MYO3A: variants seen among roughly 807,000 people sequenced by gnomAD.
MYO3A encodes the protein myosin-IIIa.
In MYO3A, 180 loss-of-function variants were observed where a neutral mutation model predicts 192.7. That is an observed-to-expected ratio of 0.93 (90% CI 0.83 to 1.06). MYO3A has a LOEUF of 1.06. Among genes scored for constraint, MYO3A ranks in the 50% least tolerant of loss-of-function variants. The probability of loss-of-function intolerance (pLI) is 0.00; values close to 1 mark genes in which losing one functional copy is unlikely to be tolerated. For missense variants in MYO3A, 1,896 were observed against 1,905.0 expected (o/e 1.00, Z 0.09); for synonymous variants, 628 against 645.3 (o/e 0.97, Z 0.41).
chr10:26,088,528 A>T, intron 15 of MYO3A, 123 bp downstream of exon 15: 2 of 905,516 alleles, frequency 2.2e-6, no homozygotes, highest in South Asian at 2.9e-5. Context: ...CAAAGCACTT[A>T]CTATTGAGAA....
intron 4 of MYO3A, among the ~76,000 whole-genome samples, chr10:25,955,769 T>C (rs1837498431): frequency 6.6e-6 from 1 of 152,224 alleles, no homozygotes; most frequent in Admixed American, 6.5e-5. Flanking sequence ...GTAGATACCT[T>C]TATTTGACAG....
intron 4 of MYO3A, among the ~76,000 whole-genome samples, chr10:25,986,326 A>T (rs948060921): frequency 6.6e-6 from 1 of 152,238 alleles, no homozygotes; most frequent in African/African-American, 2.4e-5. Context: ...CACCACTTCT[A>T]TTCAACATAG....
intron 10 of MYO3A, among the ~76,000 whole-genome samples, chr10:26,044,222 C>T (rs1843514193): frequency 1.3e-5 from 2 of 152,212 alleles, no homozygotes; most frequent in African/African-American, 4.8e-5. Flanking sequence ...CTTAACTCTC[C>T]TCTTCTCAAG....
At chr10:26,012,807 C>T (rs1841752235) in intron 6 of MYO3A, among the ~76,000 whole-genome samples, 1 of 151,514 alleles carries the variant, frequency 6.6e-6, no homozygotes, top group Non-Finnish European at 1.5e-5. Flanking sequence ...AAAAACAAAA[C>T]AATACAAAAA....
At position 25,952,077 on chromosome 10, in the gene MYO3A, G is replaced by C. The variant is rs1182995490; in HGVS notation, c.-17-17G>C. On this transcript the variant is annotated splice_polypyrimidine_tract_variant and intron_variant, in intron 2 of 34. Transcript: ENST00000642920. ...TCCTCAATCAACTGTAGATGAAACT[G>C]TACTTCTTATCTCCAGGTTTTTAAA... 1 of 1,571,626 alleles carries C rather than the reference G, an allele frequency of 6.4e-7. No homozygotes were observed. Among genetic ancestry groups the C allele is most frequent in the African/African-American group, 1.4e-5 (1 of 73,790 alleles).
intron 2 of MYO3A, among the ~76,000 whole-genome samples, chr10:25,949,309 A>G (rs1375895032): frequency 2.0e-5 from 3 of 152,152 alleles, no homozygotes; most frequent in African/African-American, 7.2e-5. Flanking sequence ...GAGAGTTAAT[A>G]TATCAGAAAT....
At chr10:26,208,700 G>A (rs973595093) in intron 34 of MYO3A, among the ~76,000 whole-genome samples, 1 of 152,126 alleles carries the variant, frequency 6.6e-6, no homozygotes. Context: ...AGTATCCACT[G>A]AGCTCAGGAT....
At chr10:26,071,000 A>G (rs72793209) in intron 14 of MYO3A, among the ~76,000 whole-genome samples, 14,809 of 149,840 alleles carry the variant, frequency 0.099, 804 homozygotes, top group Non-Finnish European at 0.12. Flanking sequence ...ATATAATGCA[A>G]TTACAATAAA....
At chr10:26,105,769 T>A (rs1253493505) in intron 17 of MYO3A, among the ~76,000 whole-genome samples, 1 of 152,074 alleles carries the variant, frequency 6.6e-6, no homozygotes, top group East Asian at 1.9e-4. Context: ...TAAAAAGTTT[T>A]CCCCTAACTC....
intron 10 of MYO3A, among the ~76,000 whole-genome samples, chr10:26,054,428 G>A (rs1588870247): frequency 6.6e-6 from 1 of 152,084 alleles, no homozygotes; most frequent in African/African-American, 2.4e-5. Context: ...TTTTACATAC[G>A]GTCCAGGTTT....
At chr10:26,053,862 A>G (rs1276712675) in intron 10 of MYO3A, among the ~76,000 whole-genome samples, 3 of 152,226 alleles carry the variant, frequency 2.0e-5, no homozygotes, top group South Asian at 2.1e-4. Flanking sequence ...ATAGAACAAT[A>G]TAAGAGGGAC....
intron 23 of MYO3A, among the ~76,000 whole-genome samples, chr10:26,150,840 C>T (rs1840752476): frequency 6.6e-6 from 1 of 151,826 alleles, no homozygotes; most frequent in Non-Finnish European, 1.5e-5. Flanking sequence ...TTTTCTTTCT[C>T]TGCTTACTTT....
intron 17 of MYO3A, among the ~76,000 whole-genome samples, chr10:26,108,109 C>G (rs1180449830): frequency 2.0e-5 from 3 of 152,076 alleles, no homozygotes; most frequent in African/African-American, 7.2e-5. Context: ...ATAGGGACGC[C>G]TAAGGCTTTT....
At chr10:26,134,942 T>C (rs1440527883) in intron 20 of MYO3A, among the ~76,000 whole-genome samples, 1 of 152,242 alleles carries the variant, frequency 6.6e-6, no homozygotes, top group African/African-American at 2.4e-5. Context: ...TATATGTCTA[T>C]GTAGCTTCTT....
intron 3 of MYO3A, among the ~76,000 whole-genome samples, chr10:25,953,090 T>C (rs567984181): frequency 2.0e-5 from 3 of 152,064 alleles, no homozygotes; most frequent in Non-Finnish European, 2.9e-5. Context: ...CAAACATCTA[T>C]TGAAAGCAAC....
intron 23 of MYO3A, among the ~76,000 whole-genome samples, chr10:26,150,367 G>T (rs745724554): frequency 6.6e-6 from 1 of 152,050 alleles, no homozygotes; most frequent in Non-Finnish European, 1.5e-5. Flanking sequence ...GAGTAATATT[G>T]CCTTTTCTTC....
intron 32 of MYO3A, among the ~76,000 whole-genome samples, chr10:26,200,249 C>T (rs994035526): frequency 6.6e-6 from 1 of 152,108 alleles, no homozygotes; most frequent in Non-Finnish European, 1.5e-5. Flanking sequence ...TTTTAGAGCA[C>T]AACAAATGAT....
intron 22 of MYO3A, among the ~76,000 whole-genome samples, chr10:26,145,957 G>A (rs138210571): frequency 1.6e-3 from 241 of 152,284 alleles, no homozygotes; most frequent in African/African-American, 5.7e-3. Context: ...CAATGCCTGA[G>A]GACCTTTGGT....
chr10:26,143,584 C>T lies in MYO3A; in HGVS notation c.2399C>T (p.Thr800Ile). The change falls in exon 21 of 35, where the codon ACT becomes ATT. Residue 800 changes from threonine (T) to isoleucine (I), a missense_variant. Coordinates refer to ENST00000642920, the MANE Select transcript of MYO3A (RefSeq NM_017433.5). ...GAAGAAAGTAGATTTCCCAAGGCCA[C>T]TGACCAGACTCTTGTAGGTGAGTTT... ...LDEESRFPKA[T>I]DQTLVEKFEG... The T allele has an allele frequency of 6.2e-7, 1 of 1,614,030 alleles. No homozygotes were observed. The highest frequency in any genetic ancestry group is 8.5e-7 in the Non-Finnish European group (1 of 1,179,948).
Sources: allele counts gnomAD v4.1 joint callset (sites outside exome capture counted in the v4.1 genomes callset), GRCh38; gene constraint gnomAD v4.1.1; transcripts MANE v1.5; gene names NCBI Gene and HGNC (gene_info 2026-07-23, HGNC 2026-07-21).